Variants in ADAMTS3 observed in about 807,000 individuals in gnomAD.
ADAMTS3 encodes the protein ADAM metallopeptidase with thrombospondin type 1 motif 3, also known as A disintegrin and metalloproteinase with thrombospondin motifs 3.
A neutral mutation model predicts 129.0 loss-of-function variants in ADAMTS3; 73 were observed. The ratio of observed to expected loss-of-function variants is 0.57; its 90% confidence interval spans 0.47 to 0.69. The LOEUF is 0.69. Among genes scored for constraint, ADAMTS3 ranks in the 30% least tolerant of loss-of-function variants. The pLI, the probability that ADAMTS3 is intolerant of heterozygous loss-of-function variation, is 0.00. For synonymous variants in ADAMTS3, 477 were observed against 510.8 expected (o/e 0.93, Z 0.89); for missense variants, 1,457 against 1,514.5 (o/e 0.96, Z 0.63).
intron 3 of ADAMTS3, among the ~76,000 whole-genome samples, chr4:72,530,744 ATT>A (rs1721011144): frequency 8.2e-5 from 2 of 24,264 alleles, no homozygotes; most frequent in Non-Finnish European, 1.3e-4. Context: ...TATTATATAT[ATT>A]ATATATTATA....
intron 4 of ADAMTS3, among the ~76,000 whole-genome samples, chr4:72,353,155 T>C (rs1720487759): frequency 6.6e-6 from 1 of 152,010 alleles, no homozygotes; most frequent in African/African-American, 2.4e-5. Flanking sequence ...TGTGTACTTG[T>C]ATTCAATGAT....
intron 3 of ADAMTS3, among the ~76,000 whole-genome samples, chr4:72,542,689 A>G (rs929451309): frequency 1.3e-5 from 2 of 152,198 alleles, no homozygotes; most frequent in African/African-American, 4.8e-5. Flanking sequence ...AGTATGACCC[A>G]TGACTTCCTT....
intron 21 of ADAMTS3, among the ~76,000 whole-genome samples, chr4:72,286,584 C>A (rs967136900): frequency 6.6e-6 from 1 of 152,176 alleles, no homozygotes; most frequent in Non-Finnish European, 1.5e-5. Context: ...CACCATTCAG[C>A]AGATGTCAAT....
At chr4:72,342,359 C>CTTTTT (rs58586015) in intron 4 of ADAMTS3, among the ~76,000 whole-genome samples, 1 of 127,270 alleles carries the variant, frequency 7.9e-6, no homozygotes, top group Admixed American at 7.9e-5. Flanking sequence ...TCCCCAATTA[C>CTTTTT]TTTTTTTTTT....
chr4:72,521,145 C>T (rs1053002972), intron 3 of ADAMTS3, among the ~76,000 whole-genome samples: 13 of 151,924 alleles, frequency 8.6e-5, no homozygotes, highest in African/African-American at 3.1e-4. Flanking sequence ...CTACAGGTTC[C>T]TGCCACCACC....
Position 72,312,305 on chromosome 4 carries a change from T to C in ADAMTS3, c.1907A>G (p.Tyr636Cys), listed in dbSNP as rs375640530. ...YQNTKHHWLP[Y>C]EHPDPKKRCH... ...AGGCTACTCACGGTCAGGATGTTCA[T>C]ATGGCAACCAGTGGTGTTTGGTATT... Residue 636 changes from tyrosine (Y) to cysteine (C), a missense_variant, in exon 13 of 22, where the codon TAT becomes TGT. Transcript: ENST00000286657. 3 of 1,613,494 alleles carry C rather than the reference T, an allele frequency of 1.9e-6. No homozygotes were observed. The highest frequency in any genetic ancestry group is 2.7e-5 in the African/African-American group (2 of 74,892).
intron 4 of ADAMTS3, among the ~76,000 whole-genome samples, chr4:72,398,829 C>T (rs1721795241): frequency 6.6e-6 from 1 of 152,176 alleles, no homozygotes; most frequent in South Asian, 2.1e-4. Context: ...GCATCCCACT[C>T]CTGAGTCCCA....
intron 6 of ADAMTS3, among the ~76,000 whole-genome samples, chr4:72,322,218 T>C (rs1266862158): frequency 6.6e-6 from 1 of 152,188 alleles, no homozygotes; most frequent in Non-Finnish European, 1.5e-5. Flanking sequence ...TCTATCATTA[T>C]AAAATGATAA....
chr4:72,462,979 C>T (rs960818438), intron 3 of ADAMTS3, among the ~76,000 whole-genome samples: 3 of 151,920 alleles, frequency 2.0e-5, no homozygotes, highest in Admixed American at 1.3e-4. Flanking sequence ...AGTAACACAT[C>T]GCTCACTCAC....
At chr4:72,309,111 T>G (rs1719161316) in intron 15 of ADAMTS3, among the ~76,000 whole-genome samples, 1 of 151,940 alleles carries the variant, frequency 6.6e-6, no homozygotes, top group Admixed American at 6.6e-5. Context: ...AAATGCAAAA[T>G]AAAACACAGA....
intron 10 of ADAMTS3, among the ~76,000 whole-genome samples, chr4:72,317,644 A>G (rs1221787800): frequency 6.6e-6 from 1 of 152,174 alleles, no homozygotes; most frequent in African/African-American, 2.4e-5. Context: ...TCCTCACACC[A>G]ATCTTATCAG....
At chr4:72,474,521 A>T (rs927703594) in intron 3 of ADAMTS3, among the ~76,000 whole-genome samples, 18 of 152,128 alleles carry the variant, frequency 1.2e-4, no homozygotes, top group Non-Finnish European at 2.5e-4. Context: ...AAAAGAAAGA[A>T]AATAGACTAC....
chr4:72,311,881 C>G (rs561042984), intron 13 of ADAMTS3, among the ~76,000 whole-genome samples: 1 of 152,044 alleles, frequency 6.6e-6, no homozygotes, highest in Non-Finnish European at 1.5e-5. Context: ...TATAAGGTAT[C>G]TTTTGTTATT....
intron 3 of ADAMTS3, among the ~76,000 whole-genome samples, chr4:72,467,382 T>G (rs1167721374): frequency 1.3e-5 from 2 of 152,052 alleles, no homozygotes; most frequent in Non-Finnish European, 2.9e-5. Context: ...TAAGTCTTAT[T>G]TCAGTGATCC....
intron 3 of ADAMTS3, among the ~76,000 whole-genome samples, chr4:72,542,075 G>T (rs1306810279): frequency 6.6e-6 from 1 of 152,150 alleles, no homozygotes; most frequent in Non-Finnish European, 1.5e-5. Flanking sequence ...TTACTAGGTT[G>T]TTGTGGAAAT....
At chr4:72,464,684 C>T (rs570389856) in intron 3 of ADAMTS3, among the ~76,000 whole-genome samples, 68 of 152,090 alleles carry the variant, frequency 4.5e-4, no homozygotes, top group South Asian at 2.7e-3. Context: ...ATGGCAACAA[C>T]TAAGAATAAA....
chr4:72,515,082 G>A (rs901225490), intron 3 of ADAMTS3, among the ~76,000 whole-genome samples: 21 of 151,996 alleles, frequency 1.4e-4, no homozygotes, highest in East Asian at 3.9e-4. Context: ...GAGAACATGC[G>A]GTGTTTGGTT....
intron 4 of ADAMTS3, among the ~76,000 whole-genome samples, chr4:72,383,584 A>G (rs1010474135): frequency 6.6e-6 from 1 of 152,164 alleles, no homozygotes; most frequent in Non-Finnish European, 1.5e-5. Context: ...CCCCTGAACT[A>G]TATGTGTTCG....
intron 3 of ADAMTS3, among the ~76,000 whole-genome samples, chr4:72,529,967 A>C (rs867337054): frequency 0.023 from 28 of 1,214 alleles, 1 homozygote; most frequent in Admixed American, 0.056. Context: ...AATATATTAT[A>C]TTTATATATA....
Sources: allele counts gnomAD v4.1 joint callset (sites outside exome capture counted in the v4.1 genomes callset), GRCh38; gene constraint gnomAD v4.1.1; transcripts MANE v1.5; gene names NCBI Gene and HGNC (gene_info 2026-07-23, HGNC 2026-07-21).